UMODL1: variants seen among roughly 807,000 people sequenced by gnomAD.
UMODL1 encodes uromodulin like 1, also known as uromodulin-like 1.
In UMODL1, 128 loss-of-function variants were observed where a neutral mutation model predicts 136.3. The ratio of observed to expected loss-of-function variants is 0.94; its 90% CI spans 0.81 to 1.09. The LOEUF is 1.09. Among genes scored for constraint, UMODL1 ranks in the 50% least tolerant of loss-of-function variants. The probability of loss-of-function intolerance (pLI) is 0.00; values close to 1 mark genes in which losing one functional copy is unlikely to be tolerated. For synonymous variants in UMODL1, 721 were observed against 720.0 expected (o/e 1.00, Z -0.02); for missense variants, 1,766 against 1,725.6 (o/e 1.02, Z -0.41).
chr21:42,097,511 G>A (rs765093792), intron 6 of UMODL1, among the ~76,000 whole-genome samples: 1 of 152,144 alleles, frequency 6.6e-6, no homozygotes, highest in Non-Finnish European at 1.5e-5. Context: ...GACAGTGTTG[G>A]GTTTTTTTTG....
In UMODL1 at chr21:42,085,497, TG is replaced by T; in HGVS notation, c.603+90del. On this transcript the variant is annotated intron_variant, in intron 4 of 22. Coordinates refer to ENST00000408910, the MANE Select transcript of UMODL1 (RefSeq NM_001004416.3). This position sits in a 1 kb window ranked among gnomAD's most constrained non-coding sequence, Gnocchi z 4.5. ...CAGGTATGGGGCCGTGGAAGGGACC[TG>T]GGGGTTGGGGAGGGTGATGTTCCCC... 1 of 1,593,062 alleles carries T rather than the reference TG, an allele frequency of 6.3e-7. No individual in the cohort carries two copies.
intron 6 of UMODL1, among the ~76,000 whole-genome samples, chr21:42,095,517 T>A (rs979433587): frequency 6.6e-6 from 1 of 152,116 alleles, no homozygotes; most frequent in East Asian, 1.9e-4. Flanking sequence ...ATAAGGACAC[T>A]TGTGATTGCA....
intron 2 of UMODL1, among the ~76,000 whole-genome samples, chr21:42,079,528 G>A (rs2066335630): frequency 6.6e-6 from 1 of 152,210 alleles, no homozygotes; most frequent in Non-Finnish European, 1.5e-5. Flanking sequence ...TGGGCCCTGA[G>A]CCCCTCAGTA....
chr21:42,092,383 G>A (rs1010117909), intron 6 of UMODL1, among the ~76,000 whole-genome samples: 10 of 128,262 alleles, frequency 7.8e-5, no homozygotes, highest in Non-Finnish European at 3.5e-5. Context: ...GCAGGGTTGA[G>A]GGTTTTTTTG....
chr21:42,079,748 G>A (rs1012383098), intron 2 of UMODL1, among the ~76,000 whole-genome samples: 9 of 152,214 alleles, frequency 5.9e-5, no homozygotes, highest in South Asian at 2.1e-4. Flanking sequence ...GGGGAGGCCC[G>A]CGCCTCCACC....
chr21:42,075,250 G>GT (rs2066276999), intron 1 of UMODL1, among the ~76,000 whole-genome samples: 1 of 151,682 alleles, frequency 6.6e-6, no homozygotes, highest in African/African-American at 2.4e-5. Flanking sequence ...ATGGGGGGGG[G>GT]GTTTCACCAT....
At position 42,127,145 on chromosome 21, in the gene UMODL1, A is replaced by G. The variant is rs200950873; in HGVS notation, c.3433A>G (p.Arg1145Gly). ...DDVRIEVGLY[R>G]QKSNLKVVLT... ...TGTCAGGATCGAAGTGGGGCTCTAC[A>G]GGCAGAAAAGCAACCTCAAGGTGGT... Residue 1145 changes from arginine (R) to glycine (G), a missense_variant, in exon 19 of 23, where the codon AGG becomes GGG. Arg to Gly is a moderately radical substitution (Grantham distance 125). Coordinates refer to ENST00000408910, the MANE Select transcript of UMODL1 (RefSeq NM_001004416.3). The G allele has an allele frequency of 1.7e-5, 27 of 1,614,102 alleles. No individual in the cohort carries two copies. The highest frequency in any genetic ancestry group is 2.3e-5 in the Non-Finnish European group (27 of 1,180,052).
At chr21:42,076,643 G>T (rs1231187241) in intron 2 of UMODL1, among the ~76,000 whole-genome samples, 1 of 152,220 alleles carries the variant, frequency 6.6e-6, no homozygotes, top group Non-Finnish European at 1.5e-5. Flanking sequence ...AGTTTTCAAA[G>T]CTCCCAGAGT....
rs146271892 is a variant in UMODL1 at position 42,085,437 on chromosome 21, C to A, written c.603+25C>A. The A allele has an allele frequency of 0.015, 23,759 of 1,613,218 alleles. 222 individuals are homozygous for A. The highest frequency in any genetic ancestry group is 0.018 in the Middle Eastern group (107 of 6,054). On this transcript the variant is annotated intron_variant, in intron 4 of 22. Transcript: ENST00000408910. The surrounding 1 kb of genome is among the most constrained non-coding windows in gnomAD (Gnocchi z 4.5). The stretch of plus-strand genomic sequence containing the variant: ...GGTAGGTGAGACAGACGGGGGCTGC[C>A]TGCACCCTCCTTGTGGCAGCTGCTC...
intron 21 of UMODL1, among the ~76,000 whole-genome samples, chr21:42,134,517 C>CT (rs542626710): frequency 1.5e-3 from 228 of 152,322 alleles, no homozygotes; most frequent in African/African-American, 5.3e-3. Flanking sequence ...AGTGAGGAGA[C>CT]TGAGGCGGTG....
chr21:42,114,912 C>G (rs939127425), intron 13 of UMODL1, among the ~76,000 whole-genome samples: 1 of 152,222 alleles, frequency 6.6e-6, no homozygotes, highest in East Asian at 1.9e-4. Flanking sequence ...CTCACCTGTG[C>G]ACCTGTCCTG....
chr21:42,109,071 A>G lies in UMODL1; in HGVS notation c.1520-491A>G, dbSNP rs1458144029. On this transcript the variant is annotated intron_variant, in intron 9 of 22. Coordinates refer to ENST00000408910, the MANE Select transcript of UMODL1 (RefSeq NM_001004416.3). ...CCCCGGCGTGGAAAGCTGGTGTTAT[A>G]CTCCGCTGGACCCCCACCCCCGGCG... Among the ~76,000 whole-genome samples the G allele has an allele frequency of 2.1e-4, 21 of 99,378 alleles. 3 individuals are homozygous for G. The highest frequency in any genetic ancestry group is 6.9e-4 in the African/African-American group (16 of 23,174). 65.2% of individuals were successfully genotyped at this position (99,378 alleles called of 152,430 possible). A position where few individuals can be genotyped will look rare whatever the true frequency, so the allele number is the denominator to read the frequency against.
intron 1 of UMODL1, among the ~76,000 whole-genome samples, chr21:42,074,864 A>G (rs2066269471): frequency 6.6e-6 from 1 of 151,756 alleles, no homozygotes; most frequent in Admixed American, 6.6e-5. Context: ...AGCTGGGATT[A>G]CAGGCACCAG....
At chr21:42,110,144 G>T (rs767348352) in intron 10 of UMODL1, among the ~76,000 whole-genome samples, 1 of 152,218 alleles carries the variant, frequency 6.6e-6, no homozygotes, top group Non-Finnish European at 1.5e-5. Context: ...GATGGGGGCC[G>T]CTGAGCTCTA....
chr21:42,125,775 G>T (rs1399487170), intron 17 of UMODL1, among the ~76,000 whole-genome samples: 1 of 152,148 alleles, frequency 6.6e-6, no homozygotes, highest in Non-Finnish European at 1.5e-5. Flanking sequence ...CTCTTGCAGG[G>T]CTGCGGGGCC....
In UMODL1 at chr21:42,094,000, G is replaced by A. The variant is rs182000221; in HGVS notation, c.931+3562G>A. The A allele has an allele frequency of 1.5e-5, 7 of 454,650 alleles. 1 individual carries two copies. In the East Asian group the frequency reaches 2.8e-4, roughly 18 times the overall value. 28.2% of individuals were successfully genotyped at this position (454,650 alleles called of 1,614,324 possible). ...CCAGGGTGAGAATCCTGTCCCTTTC[G>A]TGAGCACAGAAGGTTGGAAAACAGG... On this transcript the variant is annotated intron_variant, in intron 6 of 22. Transcript: ENST00000408910.
chr21:42,131,993 T>C (rs1215493633), intron 21 of UMODL1, among the ~76,000 whole-genome samples: 2 of 152,250 alleles, frequency 1.3e-5, no homozygotes, highest in African/African-American at 2.4e-5. Context: ...TTCATTGATA[T>C]CATAGGGAAT....
At chr21:42,127,949 G>A (rs1199227322) in intron 20 of UMODL1, 118 bp downstream of exon 20, 14 of 1,340,762 alleles carry the variant, frequency 1.0e-5, no homozygotes, top group Admixed American at 1.9e-5. Flanking sequence ...CCTCTGGGAG[G>A]AGTCGCTGTG....
At chr21:42,133,749 G>A (rs1469134851) in intron 21 of UMODL1, among the ~76,000 whole-genome samples, 2 of 152,166 alleles carry the variant, frequency 1.3e-5, no homozygotes, top group Admixed American at 6.5e-5. Flanking sequence ...GTCTGCACAT[G>A]GCCTTCTTTT....
Sources: gnomAD v4.1 joint callset for allele counts (sites outside exome capture counted in the v4.1 genomes callset) on GRCh38, gnomAD v4.1.1 for gene constraint, Gnocchi (gnomAD v3.1) non-coding constraint, MANE v1.5 for transcripts, NCBI Gene and HGNC (gene_info 2026-07-23, HGNC 2026-07-21) for gene names.